The following PTPRN2 variants were observed in gnomAD, a reference collection of about 807,000 sequenced individuals.
PTPRN2 encodes receptor-type tyrosine-protein phosphatase N2.
In PTPRN2, 74 loss-of-function variants were observed where a neutral mutation model predicts 118.8. The observed-to-expected ratio is 0.62, with a 90% CI of 0.52 to 0.76. The LOEUF (loss-of-function observed/expected upper bound fraction) is 0.76, where lower values mean the gene tolerates loss of function less well. PTPRN2 is among the 30% of genes least tolerant of loss of function. PTPRN2 has a pLI of 0.00. For missense variants in PTPRN2, 1,481 were observed against 1,394.4 expected (o/e 1.06, Z -0.99); for synonymous variants, 641 against 608.0 (o/e 1.05, Z -0.80).
At position 157,892,971 on chromosome 7, in the gene PTPRN2, T is replaced by C. The variant is rs562563080; in HGVS notation, c.1788+5702A>G. Among the ~76,000 whole-genome samples, 8 of 152,328 alleles carry C rather than the reference T, an allele frequency of 5.3e-5. No homozygotes were observed. The East Asian group carries it at 1.5e-3, about 29-fold the overall frequency. On this transcript the variant is annotated intron_variant, in intron 12 of 22. Coordinates refer to ENST00000389418, the MANE Select transcript of PTPRN2 (RefSeq NM_002847.5). ...CACTTGGGGCAACAGGAGACACAGA[T>C]GCTGGGCTTGAGGGCCCTCTGGGCA...
At chr7:157,666,614 C>T (rs1177989353) in intron 13 of PTPRN2, among the ~76,000 whole-genome samples, 1 of 152,196 alleles carries the variant, frequency 6.6e-6, no homozygotes, top group Non-Finnish European at 1.5e-5. Context: ...AGGCTGAGGA[C>T]CAGGACTCTG....
Position 157,729,872 on chromosome 7 carries a change from TG to T in PTPRN2, c.1789-46936del, listed in dbSNP as rs1489173514. Reference sequence around the variant, plus strand: ...ACCGTCCATTTGACTGGGCCACAGGTGTTTAGATTAAACCTGATCCACGTGT... The same window carrying T: ...ACCGTCCATTTGACTGGGCCACAGGTTTTAGATTAAACCTGATCCACGTGT... On this transcript the variant is annotated intron_variant, in intron 12 of 22. Coordinates refer to ENST00000389418, the MANE Select transcript of PTPRN2 (RefSeq NM_002847.5). The surrounding 1 kb of genome is among the most constrained non-coding windows in gnomAD (Gnocchi z 4.3). 1.3e-5 allele frequency among the ~76,000 whole-genome samples: 2 copies of T among 152,092 alleles called. No homozygotes were observed. The highest frequency in any genetic ancestry group is 6.5e-5 in the Admixed American group (1 of 15,270).
intron 11 of PTPRN2, among the ~76,000 whole-genome samples, chr7:157,920,616 G>A (rs1252633322): frequency 6.6e-6 from 1 of 152,228 alleles, no homozygotes; most frequent in Admixed American, 6.5e-5. Context: ...AAAGTTAAGA[G>A]TCAGCCGCAC....
At chr7:158,150,176 G>A (rs569586945) in intron 6 of PTPRN2, among the ~76,000 whole-genome samples, 4 of 152,210 alleles carry the variant, frequency 2.6e-5, no homozygotes, top group Non-Finnish European at 4.4e-5. Flanking sequence ...TGCCTCAAGC[G>A]GGGCAGTGTG....
chr7:158,282,170 G>A (rs1325163073), intron 3 of PTPRN2, among the ~76,000 whole-genome samples: 5 of 136,324 alleles, frequency 3.7e-5, no homozygotes, highest in Non-Finnish European at 7.8e-5. Context: ...TCTCAGGAGT[G>A]GCTCTGCCTT....
intron 12 of PTPRN2, among the ~76,000 whole-genome samples, chr7:157,693,665 C>T (rs1166003170): frequency 6.6e-6 from 1 of 152,196 alleles, no homozygotes; most frequent in Non-Finnish European, 1.5e-5. Context: ...GGGAACCGCG[C>T]GTCGCCTCGG....
chr7:157,640,576 A>G (rs1213240389), intron 14 of PTPRN2, among the ~76,000 whole-genome samples: 1 of 152,240 alleles, frequency 6.6e-6, no homozygotes, highest in Non-Finnish European at 1.5e-5. Flanking sequence ...TAAAAATAAA[A>G]TAAGTCCTTA....
At position 157,751,800 on chromosome 7, in the gene PTPRN2, C is replaced by T. The variant is rs139311408; in HGVS notation, c.1789-68863G>A. 5.3e-4 allele frequency among the ~76,000 whole-genome samples: 74 copies of T among 138,806 alleles called. No homozygotes were observed. The East Asian group carries it at 0.015, about 27-fold the overall frequency. 91.1% of individuals were successfully genotyped at this position (138,806 alleles called of 152,430 possible). A position where few individuals can be genotyped will look rare whatever the true frequency, so the allele number is the denominator to read the frequency against. On this transcript the variant is annotated intron_variant, in intron 12 of 22. Coordinates refer to ENST00000389418, the MANE Select transcript of PTPRN2 (RefSeq NM_002847.5). ...ACCAAGACCGAGGGGACCATTCCTA[C>T]GGGATGAGGAAACACATCTAACACA...
intron 12 of PTPRN2, among the ~76,000 whole-genome samples, chr7:157,772,745 G>A (rs1164098931): frequency 6.6e-6 from 1 of 152,246 alleles, no homozygotes; most frequent in East Asian, 1.9e-4. Context: ...TGGGGGGTGG[G>A]AGAACATCTT....
In PTPRN2 at chr7:158,114,214, G is replaced by A. The variant is rs563384985; in HGVS notation, c.1557-3299C>T. Among the ~76,000 whole-genome samples, 545 of 152,240 alleles carry A rather than the reference G, an allele frequency of 3.6e-3. 3 individuals are homozygous for A. The highest frequency in any genetic ancestry group is 3.9e-3 in the Non-Finnish European group (268 of 67,998). On this transcript the variant is annotated intron_variant, in intron 9 of 22. Transcript: ENST00000389418. ...AGTCCAGGGCTCTGGGACCTGAGTG[G>A]GCCAAGGACTCACCAGGATGGGCCA...
rs910654135 is a variant in PTPRN2, at chr7:157,881,750, A to T, written c.1788+16923T>A. ...TTTGCTTTATGATCTCATTAAAAAA[A>T]AAAAAATAGATTGGCACTTCAGTAA... On this transcript the variant is annotated intron_variant, in intron 12 of 22. Coordinates refer to ENST00000389418, the MANE Select transcript of PTPRN2 (RefSeq NM_002847.5). The surrounding 1 kb of genome is among the most constrained non-coding windows in gnomAD (Gnocchi z 4.7). Among the ~76,000 whole-genome samples, 5 of 152,288 alleles carry T rather than the reference A, an allele frequency of 3.3e-5. No individual in the cohort carries two copies. The highest frequency in any genetic ancestry group is 6.5e-5 in the Admixed American group (1 of 15,308).
At chr7:158,275,682 A>G (rs1164631024) in intron 3 of PTPRN2, among the ~76,000 whole-genome samples, 1 of 152,182 alleles carries the variant, frequency 6.6e-6, no homozygotes, top group Non-Finnish European at 1.5e-5. Context: ...GTGAGAATCG[A>G]GGTACTACGT....
chr7:158,340,374 C>A (rs1432058460), intron 2 of PTPRN2, among the ~76,000 whole-genome samples: 1 of 98,992 alleles, frequency 1.0e-5, no homozygotes, highest in Non-Finnish European at 2.2e-5. Context: ...AGGTCACTCA[C>A]ACCCATACTC....
intron 12 of PTPRN2, among the ~76,000 whole-genome samples, chr7:157,866,314 A>G (rs1205087756): frequency 1.3e-5 from 2 of 152,142 alleles, no homozygotes; most frequent in Non-Finnish European, 2.9e-5. Context: ...GCATATCCAA[A>G]TACACATACA....
rs192342010 is a variant in PTPRN2, at chr7:158,445,901, C to T, written c.163+43834G>A. Among the ~76,000 whole-genome samples, 340 of 152,370 alleles carry T rather than the reference C, an allele frequency of 2.2e-3. 8 individuals are homozygous for T. Among genetic ancestry groups the T allele is most frequent in the Middle Eastern group, 6.8e-3 (2 of 294 alleles). On this transcript the variant is annotated intron_variant, in intron 2 of 22. Coordinates refer to ENST00000389418, the MANE Select transcript of PTPRN2 (RefSeq NM_002847.5). ...CTCCGGGTCAGCCCTCAGACCACCC[C>T]ATGTGAGAAGGTAAACCCCGGCGCC... is the stretch of plus-strand genomic sequence containing the variant.
chr7:158,552,538 C>T (rs1254078169), intron 1 of PTPRN2, among the ~76,000 whole-genome samples: 1 of 152,212 alleles, frequency 6.6e-6, no homozygotes, highest in Non-Finnish European at 1.5e-5. Context: ...CAATCTCTTC[C>T]TCTCTGGTTC....
At chr7:157,997,251 G>A (rs553421636) in intron 11 of PTPRN2, among the ~76,000 whole-genome samples, 38 of 152,316 alleles carry the variant, frequency 2.5e-4, no homozygotes, top group South Asian at 1.2e-3. Context: ...GAGCAACTGC[G>A]CCCCTGGGCC....
intron 3 of PTPRN2, among the ~76,000 whole-genome samples, chr7:158,310,890 C>T (rs147448965): frequency 7.9e-5 from 12 of 152,108 alleles, no homozygotes; most frequent in Admixed American, 2.0e-4. Flanking sequence ...GCGAGTCACA[C>T]GGAGGGTGAG....
intron 5 of PTPRN2, among the ~76,000 whole-genome samples, chr7:158,178,504 T>A (rs1422735739): frequency 6.6e-6 from 1 of 151,508 alleles, no homozygotes; most frequent in African/African-American, 2.4e-5. Context: ...TCCAGCTCCA[T>A]CTAAGTGGCT....
Sources: allele counts gnomAD v4.1 joint callset (sites outside exome capture counted in the v4.1 genomes callset), GRCh38; gene constraint gnomAD v4.1.1; non-coding constraint Gnocchi (gnomAD v3.1); transcripts MANE v1.5; gene names NCBI Gene and HGNC (gene_info 2026-07-23, HGNC 2026-07-21).